The following JMJD1C variants were observed in gnomAD, a reference collection of about 807,000 sequenced individuals.
JMJD1C encodes the protein jumonji domain-containing protein 1C.
A neutral mutation model predicts 245.3 loss-of-function variants in JMJD1C; 31 were observed. The observed-to-expected ratio is 0.13, with a 90% CI of 0.09 to 0.17. JMJD1C has a LOEUF of 0.17. JMJD1C is among the 10% of genes least tolerant of loss of function. The probability of loss-of-function intolerance (pLI) is 1.00; values close to 1 mark genes in which losing one functional copy is unlikely to be tolerated. For missense variants in JMJD1C, 2,691 were observed against 3,000.2 expected, an observed-to-expected ratio of 0.90 and a Z score of 2.41; for synonymous variants, 1,057 against 1,017.4, an observed-to-expected ratio of 1.04 and a Z score of -0.74.
intron 2 of JMJD1C, among the ~76,000 whole-genome samples, chr10:63,302,499 T>C (rs1335487601): frequency 5.3e-5 from 8 of 152,244 alleles, no homozygotes; most frequent in African/African-American, 1.7e-4. Flanking sequence ...AGCTTTATCT[T>C]GCATGAGAAC....
At chr10:63,362,460 T>C (rs991425695) in intron 2 of JMJD1C, among the ~76,000 whole-genome samples, 8 of 76,182 alleles carry the variant, frequency 1.1e-4, no homozygotes, top group South Asian at 4.9e-4. Flanking sequence ...CAGTTACACA[T>C]ATATATATTT....
At chr10:63,181,865 T>A (rs1331865087) in intron 22 of JMJD1C, among the ~76,000 whole-genome samples, 1 of 152,148 alleles carries the variant, frequency 6.6e-6, no homozygotes, top group Non-Finnish European at 1.5e-5. Context: ...GGATAAATAA[T>A]CTGAACTACA....
In JMJD1C at chr10:63,253,436, T is replaced by A. The variant is rs141892751; in HGVS notation, c.447+11215A>T. Among the ~76,000 whole-genome samples the A allele has an allele frequency of 7.9e-5, 12 of 152,020 alleles. No individual in the cohort carries two copies. The East Asian group carries it at 1.6e-3, about 20-fold the overall frequency. ...TCTTGCTCTGTCGCCCAGGCTGTAG[T>A]GCACAGGCACGATCTCGGCTCACTG... On this transcript the variant is annotated intron_variant, in intron 3 of 25. Transcript: ENST00000399262.
chr10:63,381,029 A>G (rs1947173521), intron 1 of JMJD1C, among the ~76,000 whole-genome samples: 1 of 152,278 alleles, frequency 6.6e-6, no homozygotes, highest in Non-Finnish European at 1.5e-5. Flanking sequence ...GTATCTGTCA[A>G]CATATGAATG....
intron 1 of JMJD1C, among the ~76,000 whole-genome samples, chr10:63,471,928 C>G (rs1326365068): frequency 1.3e-5 from 2 of 152,046 alleles, no homozygotes; most frequent in Non-Finnish European, 2.9e-5. Flanking sequence ...GTGCCAACTA[C>G]TCGGGAGGCT....
chr10:63,402,544 C>G (rs1037137075), intron 1 of JMJD1C, among the ~76,000 whole-genome samples: 6 of 152,120 alleles, frequency 3.9e-5, no homozygotes, highest in African/African-American at 1.4e-4. Flanking sequence ...TTTCTTCATG[C>G]CACTTTGGGA....
chr10:63,259,053 C>T (rs2133722973), intron 3 of JMJD1C, among the ~76,000 whole-genome samples: 1 of 152,324 alleles, frequency 6.6e-6, no homozygotes. Flanking sequence ...TCTGTCTGTA[C>T]TATAAGCTGA....
chr10:63,366,444 C>A (rs1237928080), intron 2 of JMJD1C, among the ~76,000 whole-genome samples: 2 of 152,160 alleles, frequency 1.3e-5, no homozygotes, highest in African/African-American at 4.8e-5. Flanking sequence ...CAAACTATAG[C>A]CATGAATATA....
intron 3 of JMJD1C, among the ~76,000 whole-genome samples, chr10:63,245,416 G>A (rs1053006156): frequency 1.3e-5 from 2 of 149,868 alleles, no homozygotes; most frequent in African/African-American, 2.4e-5. Context: ...AGGCAAGGAG[G>A]AGCAAGTCAT....
chr10:63,351,066 A>G (rs1944316674), intron 2 of JMJD1C, among the ~76,000 whole-genome samples: 1 of 151,384 alleles, frequency 6.6e-6, no homozygotes, highest in Non-Finnish European at 1.5e-5. Flanking sequence ...GTGCCTTAAC[A>G]AACAGAAATT....
intron 2 of JMJD1C, among the ~76,000 whole-genome samples, chr10:63,325,835 A>C (rs1269849288): frequency 6.6e-6 from 1 of 152,174 alleles, no homozygotes; most frequent in Non-Finnish European, 1.5e-5. Context: ...CCTTATTTCC[A>C]ACTTTTTAGG....
intron 1 of JMJD1C, among the ~76,000 whole-genome samples, chr10:63,432,825 C>T (rs1227664871): frequency 6.6e-6 from 1 of 152,130 alleles, no homozygotes; most frequent in Non-Finnish European, 1.5e-5. Context: ...TTTTAGATTA[C>T]ACCTAAAAAC....
At chr10:63,280,312 G>C (rs1298957017) in intron 2 of JMJD1C, among the ~76,000 whole-genome samples, 1 of 152,122 alleles carries the variant, frequency 6.6e-6, no homozygotes, top group Non-Finnish European at 1.5e-5. Flanking sequence ...CACTCTGGGA[G>C]ACTGCGGTGG....
chr10:63,189,027 G>A (rs140536941), intron 18 of JMJD1C, 141 bp downstream of exon 18: 16 of 614,476 alleles, frequency 2.6e-5, no homozygotes, highest in Admixed American at 1.4e-4. Context: ...CAATCTTTTC[G>A]GTACTTTTAT....
intron 1 of JMJD1C, among the ~76,000 whole-genome samples, chr10:63,416,253 C>T (rs926778885): frequency 6.6e-6 from 1 of 151,806 alleles, no homozygotes; most frequent in Admixed American, 6.6e-5. Context: ...AAATAACACA[C>T]ATCAAACCCT....
intron 1 of JMJD1C, among the ~76,000 whole-genome samples, chr10:63,489,108 T>A (rs1341460395): frequency 2.0e-5 from 3 of 152,078 alleles, no homozygotes; most frequent in Non-Finnish European, 4.4e-5. Context: ...ATTTAAAAAG[T>A]AAAAAATGAG....
chr10:63,484,187 GGGATGGATGGAT>G (rs375305760), intron 1 of JMJD1C, among the ~76,000 whole-genome samples: 7 of 144,806 alleles, frequency 4.8e-5, no homozygotes, highest in South Asian at 2.2e-4. Context: ...CCAGCACCTT[GGGATGGATGGAT>G]GGATGGATGG....
At chr10:63,517,186 G>T (rs1050787561) in intron 1 of JMJD1C, among the ~76,000 whole-genome samples, 1 of 152,080 alleles carries the variant, frequency 6.6e-6, no homozygotes, top group Non-Finnish European at 1.5e-5. Flanking sequence ...TAATTACAGC[G>T]ATCAGACATT....
At chr10:63,276,873 G>A (rs923808201) in intron 2 of JMJD1C, among the ~76,000 whole-genome samples, 6 of 136,712 alleles carry the variant, frequency 4.4e-5, no homozygotes, top group African/African-American at 1.7e-4. Flanking sequence ...GGAAGGAATA[G>A]AAGCTTGGGG....
Sources: allele counts gnomAD v4.1 joint callset (sites outside exome capture counted in the v4.1 genomes callset), GRCh38; gene constraint gnomAD v4.1.1; transcripts MANE v1.5; gene names NCBI Gene and HGNC (gene_info 2026-07-23, HGNC 2026-07-21).